The following EPG5 variants were observed in gnomAD, a reference collection of about 807,000 sequenced individuals.
EPG5 encodes the protein ectopic P granules protein 5 homolog.
A neutral mutation model predicts 302.7 loss-of-function variants in EPG5; 159 were observed. That is an observed-to-expected ratio of 0.53 (90% CI 0.46 to 0.60). EPG5 has a LOEUF of 0.60. EPG5 is among the 20% of genes least tolerant of loss of function. The probability of loss-of-function intolerance (pLI) is 0.00; values close to 1 mark genes in which losing one functional copy is unlikely to be tolerated. For missense variants in EPG5, 2,896 were observed against 3,092.4 expected (o/e 0.94, Z 1.51); for synonymous variants, 1,158 against 1,136.8 (o/e 1.02, Z -0.37).
In EPG5 at chr18:45,878,432, A is replaced by G. The variant is rs766100511; in HGVS notation, c.5886T>C (p.His1962=). 6.8e-6 allele frequency: 11 copies of G among 1,611,740 alleles called. No individual in the cohort carries two copies. The highest frequency in any genetic ancestry group is 9.3e-6 in the Non-Finnish European group (11 of 1,178,828). ...ASRKTVLKSL[H]SVIIQLFKPW... ...GCTTAAAGAGCTGAATGATTACTGA[A>G]TGTAGGGATTTCAGCACTAAAAAGT... Residue 1962 remains histidine (H), a synonymous_variant, in exon 34 of 44, where the codon CAT becomes CAC. Coordinates refer to ENST00000282041, the MANE Select transcript of EPG5 (RefSeq NM_020964.3).
chr18:45,860,029 A>C (rs963340071), intron 40 of EPG5, 75 bp downstream of exon 40: 3 of 1,561,092 alleles, frequency 1.9e-6, no homozygotes, highest in Non-Finnish European at 2.6e-6. Context: ...GTCTGGAAAC[A>C]TATCTGCTGA....
intron 30 of EPG5, among the ~76,000 whole-genome samples, chr18:45,884,089 T>C (rs981680922): frequency 1.3e-5 from 2 of 152,084 alleles, no homozygotes; most frequent in Admixed American, 1.3e-4. Flanking sequence ...ACTACTATTA[T>C]GAATATTTTC....
the EPG5 span, chr18:45,829,233 G>A: frequency 1.2e-6 from 1 of 857,954 alleles, no homozygotes; most frequent in African/African-American, 1.8e-5. Context: ...AGAGGCATGG[G>A]TTAAAGGGGA....
At chr18:45,839,061 G>A in the EPG5 span, 2 of 1,483,614 alleles carry the variant, frequency 1.3e-6, no homozygotes, top group South Asian at 1.3e-5. Context: ...TGCTGCTCGG[G>A]GTCCTGGCCG....
the EPG5 span, chr18:45,842,144 A>G: frequency 6.2e-7 from 1 of 1,614,226 alleles, no homozygotes; most frequent in Non-Finnish European, 8.5e-7. Flanking sequence ...AATTTGAGCC[A>G]GATGAACCCC....
At chr18:45,859,107 T>C (rs937819801) in intron 40 of EPG5, among the ~76,000 whole-genome samples, 4 of 152,252 alleles carry the variant, frequency 2.6e-5, no homozygotes, top group South Asian at 2.1e-4. Context: ...AAACCACATG[T>C]AGACACTGCC....
the EPG5 span, chr18:45,825,875 T>C: frequency 5.4e-6 from 8 of 1,472,108 alleles, no homozygotes; most frequent in Non-Finnish European, 7.6e-6. Context: ...AGGAAGCAGG[T>C]GTGCAGAGCC....
intron 8 of EPG5, 75 bp downstream of exon 8, chr18:45,943,930 A>AG: frequency 1.0e-6 from 1 of 960,212 alleles, no homozygotes; most frequent in Non-Finnish European, 1.6e-6. Flanking sequence ...CAAAAAAAAA[A>AG]AGAAGACTCA....
At chr18:45,866,760 G>C in intron 38 of EPG5, 38 bp downstream of exon 38, 1 of 1,520,152 alleles carries the variant, frequency 6.6e-7, no homozygotes, top group East Asian at 2.3e-5. Context: ...CCAATCTCCA[G>C]GAACAGTCTC....
At chr18:45,842,057 T>C in the EPG5 span, 2,879 of 1,577,672 alleles carry the variant, frequency 1.8e-3, 5 homozygotes, top group Non-Finnish European at 2.2e-3. Flanking sequence ...TGGGCAGTTG[T>C]GGACCTCCCA....
At chr18:45,803,745 T>C in the EPG5 span, among the ~76,000 whole-genome samples, 1 of 152,174 alleles carries the variant, frequency 6.6e-6, no homozygotes, top group East Asian at 1.9e-4. Context: ...AAAAAGCAGA[T>C]ATGAGGGGCC....
the EPG5 span, among the ~76,000 whole-genome samples, chr18:45,841,268 G>A: frequency 6.6e-6 from 1 of 152,054 alleles, no homozygotes; most frequent in Non-Finnish European, 1.5e-5. Flanking sequence ...TAGGAGCGGT[G>A]GAGTTCCAGA....
intron 9 of EPG5, among the ~76,000 whole-genome samples, chr18:45,942,761 C>T (rs1216623239): frequency 6.6e-6 from 1 of 152,018 alleles, no homozygotes; most frequent in Admixed American, 6.6e-5. Flanking sequence ...CCAGTAAAGA[C>T]AATTAAAATT....
the EPG5 span, among the ~76,000 whole-genome samples, chr18:45,839,636 G>GAGAAGGCTTCACA: frequency 6.6e-6 from 1 of 152,160 alleles, no homozygotes; most frequent in East Asian, 1.9e-4. Context: ...GGGGCATCTG[G>GAGAAGGCTTCACA]AGAAGGCTTC....
chr18:45,904,400 A>G (rs1193730228), intron 24 of EPG5, among the ~76,000 whole-genome samples: 1 of 152,242 alleles, frequency 6.6e-6, no homozygotes, highest in Non-Finnish European at 1.5e-5. Flanking sequence ...TACATTATGT[A>G]TACTATAAGA....
chr18:45,952,306 A>G (rs748534077), intron 3 of EPG5, 94 bp downstream of exon 3: 62 of 1,455,106 alleles, frequency 4.3e-5, no homozygotes, highest in Non-Finnish European at 5.4e-5. Context: ...GTACCTTGTA[A>G]GACCAATTAC....
Position 45,860,236 on chromosome 18 carries a change from G to A in EPG5, c.6877C>T (p.Arg2293Trp), listed in dbSNP as rs180886291. Residue 2293 changes from arginine (R) to tryptophan (W), a missense_variant, in exon 40 of 44, where the codon CGG (arginine) becomes TGG (tryptophan). Around this residue, in one of 5 missense-constraint regions of EPG5, gnomAD observed 620 missense variants for 704.2 expected, o/e 0.88. Transcript: ENST00000282041. Reference protein sequence around the residue: ...PTAEFLRGSIRTWIGQKMHGL... With the variant: ...PTAEFLRGSIWTWIGQKMHGL... ...TGCATTTTTTGGCCAATCCAGGTCC[G>A]GATACTGCCCCGAAGGAACTCTGCT... is the stretch of plus-strand genomic sequence containing the variant. The A allele has an allele frequency of 2.4e-5, 38 of 1,614,214 alleles. No homozygotes were observed. The highest frequency in any genetic ancestry group is 1.0e-4 in the Admixed American group (6 of 60,032).
chr18:45,960,919 T>C (rs2051134653), intron 1 of EPG5, among the ~76,000 whole-genome samples: 1 of 152,184 alleles, frequency 6.6e-6, no homozygotes, highest in Non-Finnish European at 1.5e-5. Flanking sequence ...GATTCACATG[T>C]CCAAGGCTAC....
chr18:45,912,787 A>G (rs532831872), intron 21 of EPG5, among the ~76,000 whole-genome samples: 5 of 152,318 alleles, frequency 3.3e-5, no homozygotes, highest in African/African-American at 1.2e-4. Flanking sequence ...GAATAGAAAG[A>G]TATGAAAACC....
Sources: gnomAD v4.1 joint callset for allele counts (sites outside exome capture counted in the v4.1 genomes callset) on GRCh38, gnomAD v4.1.1 for gene constraint, gnomAD v4.1.1 regional missense constraint, MANE v1.5 for transcripts, NCBI Gene and HGNC (gene_info 2026-07-23, HGNC 2026-07-21) for gene names.